ANAPC5: variants seen among roughly 807,000 people sequenced by gnomAD.
The protein encoded by ANAPC5 is anaphase-promoting complex subunit 5.
Under a neutral mutation model 91.3 loss-of-function variants are expected in ANAPC5, and 60 were observed. That is an observed-to-expected ratio of 0.66 (90% confidence interval 0.53 to 0.81). ANAPC5 has a LOEUF of 0.81. ANAPC5 is among the 40% of genes least tolerant of loss of function. The probability of loss-of-function intolerance (pLI) is 0.00; values close to 1 mark genes in which losing one functional copy is unlikely to be tolerated. For missense variants in ANAPC5, 690 were observed against 931.5 expected (o/e 0.74, Z 3.37); for synonymous variants, 340 against 364.1 (o/e 0.93, Z 0.75).
intron 11 of ANAPC5, among the ~76,000 whole-genome samples, chr12:121,322,238 A>G (rs939008465): frequency 1.1e-4 from 16 of 150,520 alleles, no homozygotes. Flanking sequence ...GGCTCACTGC[A>G]ACCTCCACCT....
In ANAPC5 at chr12:121,352,373, G is replaced by A. The variant is rs921770533; in HGVS notation, c.-33C>T. On this transcript the variant is annotated 5_prime_UTR_variant, in exon 1 of 17. Coordinates refer to ENST00000261819, the MANE Select transcript of ANAPC5 (RefSeq NM_016237.5). The stretch of plus-strand genomic sequence containing the variant: ...CGAGACTAAGTCTCGGGCCCGCGGC[G>A]CGCTGCCGCCAGTTGTCACCACAAG... The A allele has an allele frequency of 5.8e-6, 9 of 1,559,006 alleles. No individual in the cohort carries two copies. Among genetic ancestry groups the A allele is most frequent in the Non-Finnish European group, 7.9e-6 (9 of 1,145,050 alleles).
chr12:121,345,893 C>T lies in ANAPC5; in HGVS notation c.536G>A (p.Ser179Asn). 1 of 1,614,190 alleles carries T rather than the reference C, an allele frequency of 6.2e-7. No homozygotes were observed. The highest frequency in any genetic ancestry group is 8.5e-7 in the Non-Finnish European group (1 of 1,180,030). Residue 179 changes from serine to asparagine, a missense_variant, in exon 4 of 17, where the codon AGT becomes AAT. Ser to Asn is a conservative substitution (Grantham distance 46). Transcript: ENST00000261819. ...TVEDADMELT[S>N]RDEGERKMEK... ...CATTTTTCTTTCACCCTCATCTCTA[C>T]TGGTCAGTTCCATATCAGCATCCTC...
intron 2 of ANAPC5, 26 bp downstream of exon 2, chr12:121,347,776 T>C (rs782255870): frequency 1.9e-6 from 3 of 1,554,686 alleles, no homozygotes; most frequent in Admixed American, 1.7e-5. Context: ...CACCTTTTCA[T>C]ATATAAAGAA....
intron 5 of ANAPC5, among the ~76,000 whole-genome samples, chr12:121,339,510 G>A (rs1235058589): frequency 2.7e-5 from 4 of 150,896 alleles, no homozygotes; most frequent in Non-Finnish European, 5.9e-5. Flanking sequence ...TCGCTCTGTC[G>A]CACAAGCTGA....
chr12:121,337,109 C>T (rs1010856796), intron 6 of ANAPC5, among the ~76,000 whole-genome samples, 182 bp downstream of exon 6: 9 of 152,054 alleles, frequency 5.9e-5, no homozygotes, highest in African/African-American at 2.2e-4. Context: ...TCCCAGCTAC[C>T]TGGGAGGCTG....
chr12:121,344,738 G>A (rs1026669901), intron 4 of ANAPC5, among the ~76,000 whole-genome samples: 8 of 152,140 alleles, frequency 5.3e-5, no homozygotes, highest in African/African-American at 1.4e-4. Context: ...GCAACCTGAG[G>A]TAGAAACTGA....
chr12:121,344,521 T>C (rs1593604459), intron 4 of ANAPC5, among the ~76,000 whole-genome samples: 2 of 149,354 alleles, frequency 1.3e-5, no homozygotes, highest in East Asian at 2.0e-4. Context: ...GAGGTGGAGG[T>C]TGCAGTGAGT....
Position 121,308,658 on chromosome 12 carries a change from G to C in ANAPC5, c.2090C>G (p.Ala697Gly). Residue 697 changes from alanine to glycine, a missense_variant, in exon 17 of 17, where the codon GCC becomes GGC. By Grantham distance (60) the Ala-to-Gly change is moderately conservative. Transcript: ENST00000261819. The part of the protein sequence containing the change: ...LEAAIENLNE[A>G]KNYFAKVDCK... ...GTCAACCTTTGCAAAATAGTTCTTG[G>C]CTTCATTGAGGTTCTCGATGGCAGC... 6.2e-7 allele frequency: 1 copy of C among 1,614,140 alleles called. No individual in the cohort carries two copies. Among genetic ancestry groups the C allele is most frequent in the Non-Finnish European group, 8.5e-7 (1 of 1,180,032 alleles).
At chr12:121,328,128 T>C (rs1172315625) in intron 10 of ANAPC5, 188 bp downstream of exon 10, 1 of 555,992 alleles carries the variant, frequency 1.8e-6, no homozygotes. Flanking sequence ...AGAAGGAACA[T>C]GCATGGGAAA....
chr12:121,331,296 A>G, intron 8 of ANAPC5, 51 bp downstream of exon 8: 1 of 1,494,460 alleles, frequency 6.7e-7, no homozygotes, highest in South Asian at 1.2e-5. Context: ...GGCCTTGTGA[A>G]GGCCAATTCA....
chr12:121,338,821 A>C (rs1315243672), intron 5 of ANAPC5, among the ~76,000 whole-genome samples: 1 of 152,172 alleles, frequency 6.6e-6, no homozygotes, highest in South Asian at 2.1e-4. Flanking sequence ...ATGTGTATAC[A>C]TATTATATAA....
chr12:121,345,815 TC>T (rs782011136), intron 4 of ANAPC5, 23 bp downstream of exon 4: 8 of 1,598,844 alleles, frequency 5.0e-6, no homozygotes, highest in Middle Eastern at 1.8e-4. Flanking sequence ...AGGAAAAGGA[TC>T]CCTGTCAGAA....
At chr12:121,327,904 C>T in intron 10 of ANAPC5, 1 of 165,520 alleles carries the variant, frequency 6.0e-6, no homozygotes, top group Non-Finnish European at 1.3e-5. Flanking sequence ...TCAACTAGAG[C>T]AACCATGGAT....
In ANAPC5 at chr12:121,318,346, C is replaced by T. The variant is rs754328081; in HGVS notation, c.1824G>A (p.Leu608=). 1 of 1,610,590 alleles carries T rather than the reference C, an allele frequency of 6.2e-7. No individual in the cohort carries two copies. Among genetic ancestry groups the T allele is most frequent in the South Asian group, 1.1e-5 (1 of 90,484 alleles). The change falls in exon 15 of 17, where the codon CTG becomes CTA. Residue 608 remains leucine (L), a synonymous_variant. Transcript: ENST00000261819. ...TIALPMLLQA[L]ALSKEYRLQY... ...GTAACCGGTACTCCTTGGAGAGGGCCAGAGCCTGCAGGAGCATGGGCAGCG... is the reference window on the plus strand; with the variant it reads ...GTAACCGGTACTCCTTGGAGAGGGCTAGAGCCTGCAGGAGCATGGGCAGCG...
At chr12:121,340,679 A>G (rs1024008811) in intron 5 of ANAPC5, among the ~76,000 whole-genome samples, 1 of 151,700 alleles carries the variant, frequency 6.6e-6, no homozygotes, top group South Asian at 2.1e-4. Context: ...CAGCCTCCCG[A>G]GTAGCTGGGA....
chr12:121,320,662 G>T (rs142669319), intron 11 of ANAPC5: 3,826 of 371,770 alleles, frequency 0.01, 40 homozygotes, highest in Non-Finnish European at 0.015. Context: ...GAGTGCAGTG[G>T]CGCGATCTCG....
At chr12:121,335,905 C>T (rs1415653120) in intron 6 of ANAPC5, among the ~76,000 whole-genome samples, 182 bp from the exon 7 acceptor site, 1 of 152,160 alleles carries the variant, frequency 6.6e-6, no homozygotes, top group Non-Finnish European at 1.5e-5. Context: ...CACATTCCCC[C>T]TAGAGGGAGT....
intron 9 of ANAPC5, 141 bp from the exon 10 acceptor site, chr12:121,328,638 G>GGGAGGT: frequency 1.3e-6 from 1 of 749,940 alleles, no homozygotes; most frequent in Non-Finnish European, 2.1e-6. Flanking sequence ...CTATAACCTG[G>GGGAGGT]CCTTAACCCT....
rs1593567229 is a variant in ANAPC5, at chr12:121,308,339, C to T, written c.*141G>A. ...AATAAAACAAATACGTAGTTACTAG[C>T]AACAAAATAAGACAAACTAATCAGA... On this transcript the variant is annotated 3_prime_UTR_variant, in exon 17 of 17. Transcript: ENST00000261819. 5.8e-6 allele frequency: 4 copies of T among 685,268 alleles called. No homozygotes were observed. Among genetic ancestry groups the T allele is most frequent in the South Asian group, 3.9e-5 (2 of 50,768 alleles). The allele number at this position is 685,268 out of a possible 1,614,324, so 42.4% of individuals were successfully genotyped here.
Sources: gnomAD v4.1 joint callset for allele counts (sites outside exome capture counted in the v4.1 genomes callset) on GRCh38, gnomAD v4.1.1 for gene constraint, MANE v1.5 for transcripts, NCBI Gene and HGNC (gene_info 2026-07-23, HGNC 2026-07-21) for gene names.